The following TEX26 variants were observed in gnomAD, a reference collection of about 807,000 sequenced individuals.
TEX26 encodes the protein testis-expressed protein 26.
A neutral mutation model predicts 35.3 loss-of-function variants in TEX26; 34 were observed. The observed-to-expected ratio is 0.96, with a 90% CI of 0.73 to 1.28. The LOEUF is 1.28. TEX26 is among the 50% of genes most tolerant of loss of function. The probability of loss-of-function intolerance (pLI) is 0.00; values close to 1 mark genes in which losing one functional copy is unlikely to be tolerated. For missense variants in TEX26, 371 were observed against 330.1 expected (o/e 1.12, Z -0.96); for synonymous variants, 136 against 111.8 (o/e 1.22, Z -1.36).
chr13:30,950,733 T>C (rs998518285), intron 2 of TEX26, among the ~76,000 whole-genome samples: 1 of 152,148 alleles, frequency 6.6e-6, no homozygotes, highest in Non-Finnish European at 1.5e-5. Flanking sequence ...GAAATACACA[T>C]GACATTGAGA....
chr13:30,974,132 AT>A (rs1210333517), intron 6 of TEX26, among the ~76,000 whole-genome samples: 297 of 24,940 alleles, frequency 0.012, 1 homozygote, highest in African/African-American at 0.023. Context: ...AAAAAAAAAA[AT>A]ATATATATAT....
At chr13:30,972,578 A>T (rs899173008) in intron 6 of TEX26, among the ~76,000 whole-genome samples, 3 of 152,198 alleles carry the variant, frequency 2.0e-5, no homozygotes, top group Admixed American at 2.0e-4. Flanking sequence ...CCCACAGAGC[A>T]TTGGTGGGAA....
chr13:30,974,795 T>C (rs755295007), intron 6 of TEX26, 51 bp from the exon 7 acceptor site: 9 of 1,481,266 alleles, frequency 6.1e-6, no homozygotes, highest in Non-Finnish European at 8.1e-6. Flanking sequence ...CAATTTATCA[T>C]TTAAATACTT....
chr13:30,967,629 T>C (rs1393357048), intron 5 of TEX26, among the ~76,000 whole-genome samples: 1 of 152,114 alleles, frequency 6.6e-6, no homozygotes, highest in Non-Finnish European at 1.5e-5. Flanking sequence ...CTCTCACCAG[T>C]TTGGTTCCTC....
Position 30,966,334 on chromosome 13 carries a change from G to GGAATT in TEX26, c.582_583insGAATT (p.Leu195GlufsTer23). On this transcript the variant is annotated frameshift_variant, in exon 5 of 7. Transcript: ENST00000380473. LOFTEE classifies it high-confidence loss of function. The stretch of plus-strand genomic sequence containing the variant: ...ACCAAATTCCAGCTAAAATTCCTGA[G>GGAATT]CTTCAAGATTTCAGTTTCAAATATG... 2 of 1,613,752 alleles carry GGAATT rather than the reference G, an allele frequency of 1.2e-6. No individual in the cohort carries two copies. Among genetic ancestry groups the GGAATT allele is most frequent in the Non-Finnish European group, 1.7e-6 (2 of 1,179,960 alleles).
At chr13:30,969,169 A>AG in intron 6 of TEX26, 123 bp downstream of exon 6, 1 of 879,188 alleles carries the variant, frequency 1.1e-6, no homozygotes, top group South Asian at 2.2e-5. Context: ...ATTGCCTCAA[A>AG]AAAAAAAAAA....
chr13:30,944,036 A>G (rs188660927), intron 2 of TEX26, among the ~76,000 whole-genome samples: 91 of 152,064 alleles, frequency 6.0e-4, no homozygotes, highest in Non-Finnish European at 1.1e-3. Flanking sequence ...ATTGGCACCA[A>G]TTCTTCTTTG....
At chr13:30,951,918 T>C (rs905619415) in intron 2 of TEX26, among the ~76,000 whole-genome samples, 3 of 138,142 alleles carry the variant, frequency 2.2e-5, no homozygotes, top group Admixed American at 7.6e-5. Context: ...CCTCATTTAA[T>C]CTTTAAAAAA....
intron 6 of TEX26, among the ~76,000 whole-genome samples, chr13:30,974,543 T>C (rs1013653205): frequency 2.6e-5 from 4 of 152,024 alleles, no homozygotes; most frequent in Non-Finnish European, 5.9e-5. Flanking sequence ...AGTGGAGAGG[T>C]TAAATCATTT....
chr13:30,941,926 G>A (rs985023646), intron 2 of TEX26, among the ~76,000 whole-genome samples: 2 of 152,048 alleles, frequency 1.3e-5, no homozygotes, highest in Admixed American at 1.3e-4. Context: ...GGGCCCTTAG[G>A]TTGGTTTTAT....
chr13:30,963,388 G>T (rs1395647869), intron 4 of TEX26, among the ~76,000 whole-genome samples: 1 of 152,174 alleles, frequency 6.6e-6, no homozygotes, highest in African/African-American at 2.4e-5. Context: ...GGGGTTTTAG[G>T]TGTCGCTTAG....
At chr13:30,958,516 G>T (rs1199122671) in intron 4 of TEX26, among the ~76,000 whole-genome samples, 1 of 152,106 alleles carries the variant, frequency 6.6e-6, no homozygotes, top group East Asian at 1.9e-4. Context: ...TGCCCTGTGG[G>T]CTCTGAACAC....
At chr13:30,966,877 T>C (rs1954556939) in intron 5 of TEX26, among the ~76,000 whole-genome samples, 1 of 152,194 alleles carries the variant, frequency 6.6e-6, no homozygotes. Context: ...AATCAGAACC[T>C]TGTCGCTGCA....
chr13:30,947,189 C>T (rs575207671), intron 2 of TEX26, among the ~76,000 whole-genome samples: 36 of 152,128 alleles, frequency 2.4e-4, no homozygotes, highest in African/African-American at 7.9e-4. Flanking sequence ...TTATGAAATA[C>T]AAAAAGAAAA....
intron 1 of TEX26, among the ~76,000 whole-genome samples, chr13:30,934,725 G>T (rs1329167252): frequency 6.6e-6 from 1 of 152,188 alleles, no homozygotes; most frequent in African/African-American, 2.4e-5. Flanking sequence ...TCTGAGTTGG[G>T]ATGGGAGCTC....
At chr13:30,939,288 A>G (rs7325107) in intron 1 of TEX26, among the ~76,000 whole-genome samples, 58,133 of 152,036 alleles carry the variant, frequency 0.38, 11,328 homozygotes, top group African/African-American at 0.45. Context: ...TGATGTGTGT[A>G]ATATGATCCT....
At chr13:30,943,235 G>C (rs1455568818) in intron 2 of TEX26, among the ~76,000 whole-genome samples, 1 of 151,832 alleles carries the variant, frequency 6.6e-6, no homozygotes, top group Non-Finnish European at 1.5e-5. Context: ...GTATATTCCT[G>C]GGTATTTTAT....
At chr13:30,972,921 G>C (rs1485574091) in intron 6 of TEX26, among the ~76,000 whole-genome samples, 1 of 152,254 alleles carries the variant, frequency 6.6e-6, no homozygotes, top group Non-Finnish European at 1.5e-5. Flanking sequence ...ACAGGCATGA[G>C]CCACTGTGCC....
At chr13:30,939,983 C>A (rs954795476) in intron 2 of TEX26, among the ~76,000 whole-genome samples, 4 of 152,090 alleles carry the variant, frequency 2.6e-5, no homozygotes, top group Admixed American at 6.5e-5. Context: ...TATAGGGAAA[C>A]CGAGAAAATG....
Sources: allele counts gnomAD v4.1 joint callset (sites outside exome capture counted in the v4.1 genomes callset), GRCh38; gene constraint gnomAD v4.1.1; transcripts MANE v1.5; gene names NCBI Gene and HGNC (gene_info 2026-07-23, HGNC 2026-07-21).